DPP6: variants seen among roughly 807,000 people sequenced by gnomAD.
DPP6 encodes the protein A-type potassium channel modulatory protein DPP6.
DPP6 carries 69 observed loss-of-function variants against 122.6 expected under a neutral mutation model. The ratio of observed to expected loss-of-function variants is 0.56; its 90% CI spans 0.46 to 0.69. DPP6 has a LOEUF of 0.69. DPP6 is among the 30% of genes least tolerant of loss of function. The pLI, the probability that DPP6 is intolerant of heterozygous loss-of-function variation, is 0.00. For synonymous variants in DPP6, 418 were observed against 433.1 expected, an observed-to-expected ratio of 0.97 and a Z score of 0.43; for missense variants, 928 against 1,116.9, an observed-to-expected ratio of 0.83 and a Z score of 2.41.
chr7:153,962,632 C>A (rs73729243), intron 1 of DPP6, among the ~76,000 whole-genome samples: 3,580 of 152,252 alleles, frequency 0.024, 135 homozygotes, highest in African/African-American at 0.081. Context: ...CCCACAGAGA[C>A]CCGATGCTCA....
chr7:153,841,224 C>T, the DPP6 span, among the ~76,000 whole-genome samples: 508 of 152,346 alleles, frequency 3.3e-3, 6 homozygotes, highest in Admixed American at 8.4e-3. Flanking sequence ...AGGCTTCAAA[C>T]ACTTAATATC....
At chr7:154,642,628 A>G (rs1836180205) in intron 6 of DPP6, among the ~76,000 whole-genome samples, 1 of 150,338 alleles carries the variant, frequency 6.7e-6, no homozygotes, top group Non-Finnish European at 1.5e-5. Flanking sequence ...TGCCCACCTC[A>G]TAGGCTTGTT....
chr7:154,792,794 G>C (rs967835656), intron 10 of DPP6, among the ~76,000 whole-genome samples: 5 of 152,224 alleles, frequency 3.3e-5, no homozygotes, highest in African/African-American at 1.2e-4. Context: ...CTGTGTTCAC[G>C]GGTTATGTAC....
intron 10 of DPP6, among the ~76,000 whole-genome samples, chr7:154,783,344 G>T (rs114428938): frequency 2.0e-5 from 3 of 152,164 alleles, no homozygotes; most frequent in Admixed American, 2.0e-4. Context: ...GTCTCTGCCC[G>T]TGCTTCCTTC....
chr7:153,889,234 T>G (rs1440041308), intron 1 of DPP6, among the ~76,000 whole-genome samples: 1 of 152,224 alleles, frequency 6.6e-6, no homozygotes, highest in Non-Finnish European at 1.5e-5. Flanking sequence ...CCTAATTGCT[T>G]GTTTATGAAA....
chr7:153,866,115 G>C, the DPP6 span, among the ~76,000 whole-genome samples: 1 of 152,066 alleles, frequency 6.6e-6, no homozygotes, highest in Non-Finnish European at 1.5e-5. Flanking sequence ...ATAAACATAC[G>C]TGTGCATGTG....
chr7:154,561,189 T>C (rs975057185), intron 4 of DPP6, among the ~76,000 whole-genome samples: 1 of 152,144 alleles, frequency 6.6e-6, no homozygotes, highest in Non-Finnish European at 1.5e-5. Flanking sequence ...GAGTAATTGA[T>C]AGACTATGTA....
intron 22 of DPP6, among the ~76,000 whole-genome samples, chr7:154,886,454 G>A (rs1806162876): frequency 6.6e-6 from 1 of 152,326 alleles, no homozygotes; most frequent in East Asian, 1.9e-4. Flanking sequence ...GGGGGTTCCA[G>A]GCTCCTGCAT....
At chr7:154,725,164 G>A (rs1842005128) in intron 7 of DPP6, among the ~76,000 whole-genome samples, 1 of 152,252 alleles carries the variant, frequency 6.6e-6, no homozygotes, top group East Asian at 1.9e-4. Flanking sequence ...CAGAGTAGGT[G>A]CCCACTGCAT....
In DPP6 at chr7:154,332,517, G is replaced by A. The variant is rs566819887; in HGVS notation, c.244-113697G>A. On this transcript the variant is annotated intron_variant, in intron 1 of 25. Transcript: ENST00000377770. ...ATGCAGTTGATGTTGGTCCATGGAT[G>A]ACCCTCTGGGTAGCAACGTTTGGGG... Among the ~76,000 whole-genome samples the A allele has an allele frequency of 6.0e-4, 92 of 152,350 alleles. No homozygotes were observed. The South Asian group carries it at 0.019, about 31-fold the overall frequency.
Position 154,450,768 on chromosome 7 carries a change from G to T in DPP6, c.358+4440G>T, listed in dbSNP as rs146447602. On this transcript the variant is annotated intron_variant, in intron 2 of 25. Coordinates refer to ENST00000377770, the MANE Select transcript of DPP6 (RefSeq NM_130797.4). ...GCCAATCCTTGTTTTGTTTTATGGT[G>T]GTGGTGCTGATGATCTCACACAGCT... is the stretch of plus-strand genomic sequence containing the variant. Among the ~76,000 whole-genome samples, 1,012 of 152,274 alleles carry T rather than the reference G, an allele frequency of 6.6e-3. 10 individuals carry two copies. The highest frequency in any genetic ancestry group is 0.021 in the African/African-American group (886 of 41,550).
rs79524454 is a variant in DPP6 at position 154,283,099 on chromosome 7, C to T, written c.244-163115C>T. Among the ~76,000 whole-genome samples the T allele has an allele frequency of 3.9e-3, 600 of 152,308 alleles. 5 individuals are homozygous for T. Among genetic ancestry groups the T allele is most frequent in the East Asian group, 0.03 (155 of 5,180 alleles). On this transcript the variant is annotated intron_variant, in intron 1 of 25. Transcript: ENST00000377770. ...GATATTGAGTGAGCCCTTTCTGAAT[C>T]GGGACCAGTCTCATCTCAGCTTATT...
chr7:154,002,586 A>G (rs1198040742), intron 1 of DPP6, among the ~76,000 whole-genome samples: 1 of 152,154 alleles, frequency 6.6e-6, no homozygotes. Flanking sequence ...CAGTGAGTGC[A>G]GATAGGAGAT....
chr7:153,966,289 A>C (rs28452848), intron 1 of DPP6, among the ~76,000 whole-genome samples: 114,339 of 150,388 alleles, frequency 0.76, 44,025 homozygotes, highest in East Asian at 1. Context: ...GCACGTGTTC[A>C]TGTTTGTGCA....
At chr7:154,127,636 C>CACAG (rs1554470621) in intron 1 of DPP6, among the ~76,000 whole-genome samples, 4 of 104,120 alleles carry the variant, frequency 3.8e-5, no homozygotes, top group African/African-American at 1.9e-4. Flanking sequence ...CACACACAGA[C>CACAG]ACACACACAC....
chr7:153,960,815 A>G (rs1795317385), intron 1 of DPP6, among the ~76,000 whole-genome samples: 2 of 148,864 alleles, frequency 1.3e-5, no homozygotes, highest in South Asian at 4.3e-4. Context: ...TCACTGGGTG[A>G]TCTAGGATTA....
the DPP6 span, among the ~76,000 whole-genome samples, chr7:153,792,940 C>A: frequency 2.6e-5 from 4 of 152,176 alleles, no homozygotes; most frequent in Non-Finnish European, 5.9e-5. Context: ...TTTTCTCTTG[C>A]CACCGCCATG....
chr7:154,802,654 T>G (rs1488959060), intron 13 of DPP6, among the ~76,000 whole-genome samples: 1 of 151,560 alleles, frequency 6.6e-6, no homozygotes, highest in Non-Finnish European at 1.5e-5. Flanking sequence ...AGATCAGGAG[T>G]TCAAGACCAG....
chr7:153,911,050 A>G (rs1270780318), intron 1 of DPP6, among the ~76,000 whole-genome samples: 1 of 152,194 alleles, frequency 6.6e-6, no homozygotes, highest in African/African-American at 2.4e-5. Flanking sequence ...TACTTCACTC[A>G]CTAGCTCTGC....
Sources: allele counts gnomAD v4.1 joint callset (sites outside exome capture counted in the v4.1 genomes callset), GRCh38; gene constraint gnomAD v4.1.1; transcripts MANE v1.5; gene names NCBI Gene and HGNC (gene_info 2026-07-23, HGNC 2026-07-21).